Variants in CYRIB observed in about 807,000 individuals in gnomAD.
The protein encoded by CYRIB is CYFIP related Rac1 interactor B.
CYRIB carries 8 observed loss-of-function variants against 44.2 expected under a neutral mutation model. That is an observed-to-expected ratio of 0.18 (90% CI 0.11 to 0.33). The LOEUF is 0.33. Ranked by LOEUF, CYRIB falls within the 10% of genes least tolerant of loss-of-function variation. CYRIB has a pLI of 1.00. For missense variants in CYRIB, 185 were observed against 382.8 expected, an observed-to-expected ratio of 0.48 and a Z score of 4.31; for synonymous variants, 131 against 127.2, an observed-to-expected ratio of 1.03 and a Z score of -0.20.
At position 129,907,656 on chromosome 8, in the gene CYRIB, C is replaced by T. The variant is rs547629391; in HGVS notation, c.-49-4306G>A. Reference sequence around the variant, plus strand: ...GCCTCCAGCAAGACATGAGTTATTACTTCAGACCATTCTGTCAACCATGTT... The same window carrying T: ...GCCTCCAGCAAGACATGAGTTATTATTTCAGACCATTCTGTCAACCATGTT... On this transcript the variant is annotated intron_variant, in intron 1 of 11. Coordinates refer to ENST00000519824, the Ensembl canonical transcript of CYRIB. Among the ~76,000 whole-genome samples the T allele has an allele frequency of 7.2e-5, 11 of 152,176 alleles. No individual in the cohort carries two copies. In the South Asian group the frequency reaches 2.3e-3, roughly 32 times the overall value.
At chr8:129,889,362 A>C (rs1341966045) in intron 2 of CYRIB, among the ~76,000 whole-genome samples, 1 of 152,232 alleles carries the variant, frequency 6.6e-6, no homozygotes, top group African/African-American at 2.4e-5. Context: ...CTGCTAACAC[A>C]ATATCCACTC....
chr8:130,006,072 G>A (rs2097054474), intron 1 of CYRIB, among the ~76,000 whole-genome samples: 1 of 152,176 alleles, frequency 6.6e-6, no homozygotes, highest in Non-Finnish European at 1.5e-5. Flanking sequence ...GGAGGCCAAG[G>A]CAGGCAGATC....
chr8:130,014,118 C>T (rs1468585222), intron 1 of CYRIB, among the ~76,000 whole-genome samples: 1 of 152,154 alleles, frequency 6.6e-6, no homozygotes, highest in African/African-American at 2.4e-5. Flanking sequence ...TTACAGGTAA[C>T]CCTGGCCACT....
At chr8:129,966,440 G>A (rs2095481803) in intron 2 of CYRIB, among the ~76,000 whole-genome samples, 1 of 152,174 alleles carries the variant, frequency 6.6e-6, no homozygotes, top group African/African-American at 2.4e-5. Context: ...AGGTTGTTTT[G>A]TTTTTAAATA....
At chr8:129,922,589 C>A (rs554019772) in intron 1 of CYRIB, among the ~76,000 whole-genome samples, 2 of 152,134 alleles carry the variant, frequency 1.3e-5, no homozygotes, top group Non-Finnish European at 2.9e-5. Flanking sequence ...AAAGGCCGGG[C>A]GCGGTGGCTC....
chr8:129,988,126 G>C (rs1370570170), intron 1 of CYRIB, among the ~76,000 whole-genome samples: 2 of 152,172 alleles, frequency 1.3e-5, no homozygotes, highest in African/African-American at 4.8e-5. Context: ...AGTGAGGACG[G>C]AACAAAGGTT....
intron 2 of CYRIB, among the ~76,000 whole-genome samples, chr8:129,896,292 G>A (rs1053581216): frequency 6.6e-6 from 1 of 152,146 alleles, no homozygotes; most frequent in Non-Finnish European, 1.5e-5. Flanking sequence ...TAAACAAAGT[G>A]CAACTTAATA....
At chr8:130,006,605 T>TATATATATACAC (rs374570395) in intron 1 of CYRIB, among the ~76,000 whole-genome samples, 375 of 23,304 alleles carry the variant, frequency 0.016, 115 homozygotes, top group Middle Eastern at 0.06. Flanking sequence ...TATATATATA[T>TATATATATACAC]ACATATATAT....
intron 1 of CYRIB, among the ~76,000 whole-genome samples, chr8:129,994,196 A>T (rs186517548): frequency 6.6e-6 from 1 of 152,328 alleles, no homozygotes; most frequent in Non-Finnish European, 1.5e-5. Context: ...GGAGAAGGCC[A>T]CGTGAACACG....
At chr8:129,875,357 C>A (rs978837969) in intron 3 of CYRIB, among the ~76,000 whole-genome samples, 15 of 151,670 alleles carry the variant, frequency 9.9e-5, no homozygotes, top group African/African-American at 3.6e-4. Flanking sequence ...GGGCACACAT[C>A]ACTATTCCCA....
chr8:129,941,608 A>G (rs1235593368), upstream of CYRIB, among the ~76,000 whole-genome samples: 1 of 152,092 alleles, frequency 6.6e-6, no homozygotes, highest in East Asian at 1.9e-4. Flanking sequence ...ATGCTGATAG[A>G]AAAGTCCTCC....
At chr8:129,985,295 A>G (rs1591776286) in intron 1 of CYRIB, among the ~76,000 whole-genome samples, 3 of 152,232 alleles carry the variant, frequency 2.0e-5, no homozygotes, top group East Asian at 3.9e-4. Flanking sequence ...ACTAACAGGC[A>G]GTAGGTGCCA....
At chr8:129,908,427 C>T (rs1466570391) in intron 1 of CYRIB, among the ~76,000 whole-genome samples, 1 of 152,098 alleles carries the variant, frequency 6.6e-6, no homozygotes, top group Non-Finnish European at 1.5e-5. Flanking sequence ...GCTTGGGTTG[C>T]ATTTCCAATT....
intron 5 of CYRIB, among the ~76,000 whole-genome samples, chr8:129,857,196 C>G (rs913951551): frequency 6.6e-6 from 1 of 152,070 alleles, no homozygotes; most frequent in African/African-American, 2.4e-5. Context: ...CTCCCTGTGC[C>G]CATATGGAGC....
At chr8:130,001,525 C>CTTT (rs1325066581) in intron 1 of CYRIB, among the ~76,000 whole-genome samples, 4,702 of 120,300 alleles carry the variant, frequency 0.039, 171 homozygotes, top group Non-Finnish European at 0.064. Flanking sequence ...AAAATAATTT[C>CTTT]TTTTTTTTTT....
chr8:129,996,252 T>A (rs947878991), intron 1 of CYRIB, among the ~76,000 whole-genome samples: 8 of 152,112 alleles, frequency 5.3e-5, no homozygotes, highest in Admixed American at 5.2e-4. Context: ...CAGGCTGGGA[T>A]CAATGTCCCC....
chr8:129,844,524 A>G (rs544411234), intron 11 of CYRIB: 60 of 152,354 alleles, frequency 3.9e-4, no homozygotes, highest in Non-Finnish European at 8.4e-4. Context: ...GAAGACAATT[A>G]TCTACTACTG....
intron 2 of CYRIB, among the ~76,000 whole-genome samples, chr8:129,883,018 A>G (rs2134093286): frequency 6.7e-6 from 1 of 150,058 alleles, no homozygotes; most frequent in East Asian, 2.0e-4. Context: ...CAACACAGTG[A>G]AACCCCGTCT....
chr8:130,015,376 G>A (rs775660156), intron 1 of CYRIB, among the ~76,000 whole-genome samples: 2 of 152,048 alleles, frequency 1.3e-5, no homozygotes, highest in South Asian at 4.2e-4. Flanking sequence ...GGAAATCTAC[G>A]CTCGTTTTCT....
Sources: gnomAD v4.1 joint callset for allele counts (sites outside exome capture counted in the v4.1 genomes callset) on GRCh38, gnomAD v4.1.1 for gene constraint, MANE v1.5 for transcripts, NCBI Gene and HGNC (gene_info 2026-07-23, HGNC 2026-07-21) for gene names.